Variants in MCM8 observed in about 807,000 individuals in gnomAD.
MCM8 encodes the protein minichromosome maintenance 8 homologous recombination repair factor, also known as DNA helicase MCM8.
MCM8 carries 85 observed loss-of-function variants against 98.9 expected under a neutral mutation model. The observed-to-expected ratio is 0.86, with a 90% CI of 0.72 to 1.03. MCM8 has a LOEUF of 1.03. Among genes scored for constraint, MCM8 ranks in the 50% least tolerant of loss-of-function variants. The pLI is 0.00. For synonymous variants in MCM8, 352 were observed against 338.6 expected (o/e 1.04, Z -0.44); for missense variants, 951 against 997.8 (o/e 0.95, Z 0.63).
intron 18 of MCM8, 150 bp downstream of exon 18, chr20:5,993,845 T>C (rs1349000954): frequency 3.4e-6 from 2 of 584,960 alleles, no homozygotes; most frequent in East Asian, 2.8e-5. Context: ...GGAAACATTG[T>C]AGTAAGACAG....
intron 14 of MCM8, among the ~76,000 whole-genome samples, chr20:5,984,079 T>G (rs927270602): frequency 3.9e-5 from 6 of 152,224 alleles, no homozygotes; most frequent in African/African-American, 1.4e-4. Context: ...TATATCTGTA[T>G]GTATGCTTTC....
chr20:5,974,543 A>T (rs1239306631), intron 12 of MCM8, among the ~76,000 whole-genome samples: 2 of 152,178 alleles, frequency 1.3e-5, no homozygotes, highest in African/African-American at 2.4e-5. Context: ...TCTTTTTCCA[A>T]GGATTGGGAT....
intron 7 of MCM8, among the ~76,000 whole-genome samples, chr20:5,959,641 A>G (rs530497806): frequency 8.4e-4 from 125 of 149,522 alleles, no homozygotes; most frequent in Non-Finnish European, 1.8e-4. Flanking sequence ...TGCAGAGAAC[A>G]TTCTTGTACA....
At chr20:5,951,642 A>G (rs1467309785) in intron 1 of MCM8, among the ~76,000 whole-genome samples, 1 of 152,218 alleles carries the variant, frequency 6.6e-6, no homozygotes, top group Non-Finnish European at 1.5e-5. Context: ...GTCCTGCCCT[A>G]TAATAAGAAG....
chr20:5,989,538 A>G (rs1370434671), intron 17 of MCM8, among the ~76,000 whole-genome samples: 1 of 152,138 alleles, frequency 6.6e-6, no homozygotes, highest in Admixed American at 6.6e-5. Flanking sequence ...AGTTTCCAAA[A>G]TCACCCTTTT....
intron 13 of MCM8, among the ~76,000 whole-genome samples, chr20:5,980,661 C>G (rs2089610523): frequency 6.6e-6 from 1 of 151,982 alleles, no homozygotes; most frequent in Non-Finnish European, 1.5e-5. Flanking sequence ...CACTTGAGAC[C>G]AGGAGTTTGA....
chr20:5,977,647 C>CT (rs1310847768), intron 12 of MCM8, among the ~76,000 whole-genome samples: 1 of 152,234 alleles, frequency 6.6e-6, no homozygotes, highest in East Asian at 1.9e-4. Flanking sequence ...TGAATCCTGA[C>CT]TTTCCACCTT....
chr20:5,978,515 C>T (rs1172505637), intron 13 of MCM8, among the ~76,000 whole-genome samples: 1 of 152,154 alleles, frequency 6.6e-6, no homozygotes, highest in Non-Finnish European at 1.5e-5. Flanking sequence ...TGGATGTCAT[C>T]CTTTGCTCAC....
chr20:5,965,004 A>C (rs2122708007), intron 8 of MCM8, among the ~76,000 whole-genome samples: 1 of 152,286 alleles, frequency 6.6e-6, no homozygotes, highest in Non-Finnish European at 1.5e-5. Flanking sequence ...TGAGCTGAGG[A>C]CATTAGAAAC....
chr20:5,968,884 A>G (rs1258581382), intron 10 of MCM8, among the ~76,000 whole-genome samples: 2 of 152,222 alleles, frequency 1.3e-5, no homozygotes, highest in East Asian at 1.9e-4. Context: ...CATATATTCA[A>G]AAAGTATTTG....
intron 14 of MCM8, among the ~76,000 whole-genome samples, chr20:5,984,286 C>T (rs1034849374): frequency 6.6e-6 from 1 of 152,068 alleles, no homozygotes; most frequent in African/African-American, 2.4e-5. Flanking sequence ...TAGTGAAATA[C>T]ACAATGTGTA....
intron 6 of MCM8, among the ~76,000 whole-genome samples, chr20:5,958,015 CT>C (rs1600245390): frequency 6.9e-6 from 1 of 145,320 alleles, no homozygotes; most frequent in Non-Finnish European, 1.5e-5. Flanking sequence ...TTTCTTTTTT[CT>C]TTTTTCCTTG....
At position 5,957,177 on chromosome 20, in the gene MCM8, G is replaced by A. The variant is rs1568570204; in HGVS notation, c.538G>A (p.Gly180Arg). 1 of 1,613,674 alleles carries A rather than the reference G, an allele frequency of 6.2e-7. No homozygotes were observed. Among genetic ancestry groups the A allele is most frequent in the Non-Finnish European group, 8.5e-7 (1 of 1,179,798 alleles). Residue 180 changes from glycine (G) to arginine (R), a missense_variant, in exon 6 of 19, where the codon GGA (glycine) becomes AGA (arginine). Physicochemically the swap from Gly to Arg is moderately radical, Grantham distance 125. Transcript: ENST00000610722. ...TGCAGCTGAGTTACAAGCCCAGGAA[G>A]GATTGTCTAATGATGGAGAAACAAT... is the stretch of plus-strand genomic sequence containing the variant. ...RHAAELQAQE[G>R]LSNDGETMVN...
In MCM8 at chr20:5,967,604, T is replaced by C; in HGVS notation, c.1027+17T>C. 6.3e-7 allele frequency: 1 copy of C among 1,591,876 alleles called. No homozygotes were observed. The highest frequency in any genetic ancestry group is 8.6e-7 in the Non-Finnish European group (1 of 1,165,902). ...CGGAAGAAGGTAGGGTACAACTCTT[T>C]TCATTATTTGTCTCTCAATAATGAT... On this transcript the variant is annotated intron_variant, in intron 9 of 18. Transcript: ENST00000610722.
intron 17 of MCM8, among the ~76,000 whole-genome samples, chr20:5,988,180 G>A (rs536569881): frequency 4.6e-5 from 7 of 152,070 alleles, no homozygotes; most frequent in Admixed American, 1.3e-4. Context: ...AAAAGTATAG[G>A]CCAGGTATGG....
intron 7 of MCM8, 114 bp downstream of exon 7, chr20:5,958,840 C>A: frequency 2.1e-6 from 2 of 950,690 alleles, no homozygotes; most frequent in Non-Finnish European, 3.0e-6. Flanking sequence ...TTTTTATTTT[C>A]AATTTTCTGC....
rs1225658112 is a variant in MCM8, at chr20:5,967,818, T to G, written c.1028-12T>G. On this transcript the variant is annotated splice_polypyrimidine_tract_variant and intron_variant, in intron 9 of 18. Coordinates refer to ENST00000610722, the MANE Select transcript of MCM8 (RefSeq NM_032485.6). Reference sequence around the variant, plus strand: ...AATACCAACTATTGTATTTAACACTTTTAATTTACAGGTTCTCGAAATAAG... The same window carrying G: ...AATACCAACTATTGTATTTAACACTGTTAATTTACAGGTTCTCGAAATAAG... The G allele has an allele frequency of 1.3e-6, 2 of 1,594,004 alleles. No individual in the cohort carries two copies. The highest frequency in any genetic ancestry group is 1.7e-6 in the Non-Finnish European group (2 of 1,168,620).
At position 5,994,629 on chromosome 20, in the gene MCM8, G is replaced by T. The variant is rs977375770; in HGVS notation, c.*238G>T. ...AGAAGTGATAAAGTCTCCAGATGCA[G>T]TAGCTCACACTGTAATCACAGTGAC... is the stretch of plus-strand genomic sequence containing the variant. On this transcript the variant is annotated 3_prime_UTR_variant, in exon 19 of 19. Coordinates refer to ENST00000610722, the MANE Select transcript of MCM8 (RefSeq NM_032485.6). The T allele has an allele frequency of 2.1e-6, 1 of 478,656 alleles. No individual in the cohort carries two copies. Among genetic ancestry groups the T allele is most frequent in the Non-Finnish European group, 3.8e-6 (1 of 263,832 alleles). The allele number at this position is 478,656 out of a possible 1,614,324, so 29.7% of individuals were successfully genotyped here. A position where few individuals can be genotyped will look rare whatever the true frequency, so the allele number is the denominator to read the frequency against.
intron 13 of MCM8, among the ~76,000 whole-genome samples, chr20:5,979,392 C>A (rs1263865201): frequency 6.6e-6 from 1 of 152,102 alleles, no homozygotes; most frequent in Non-Finnish European, 1.5e-5. Flanking sequence ...GTGAAAAATT[C>A]TAAATTTATA....
Sources: gnomAD v4.1 joint callset for allele counts (sites outside exome capture counted in the v4.1 genomes callset) on GRCh38, gnomAD v4.1.1 for gene constraint, MANE v1.5 for transcripts, NCBI Gene and HGNC (gene_info 2026-07-23, HGNC 2026-07-21) for gene names.